HMGCS1: variants seen among roughly 807,000 people sequenced by gnomAD.
The protein encoded by HMGCS1 is 3-hydroxy-3-methylglutaryl-CoA synthase 1, also known as hydroxymethylglutaryl-CoA synthase, cytoplasmic.
Under a neutral mutation model 52.3 loss-of-function variants are expected in HMGCS1, and 9 were observed. That is an observed-to-expected ratio of 0.17 (90% CI 0.10 to 0.30). HMGCS1 has a LOEUF of 0.30. Among genes scored for constraint, HMGCS1 ranks in the 10% least tolerant of loss-of-function variants. HMGCS1 has a pLI of 1.00. For synonymous variants in HMGCS1, 176 were observed against 214.4 expected (o/e 0.82, Z 1.57); for missense variants, 320 against 620.9 (o/e 0.52, Z 5.15).
chr5:43,293,132 C>T (rs1339134443), intron 8 of HMGCS1, among the ~76,000 whole-genome samples, 159 bp from the exon 9 acceptor site: 1 of 152,170 alleles, frequency 6.6e-6, no homozygotes, highest in Non-Finnish European at 1.5e-5. Flanking sequence ...ACCTATTTGA[C>T]AAATCTCCTA....
intron 2 of HMGCS1, among the ~76,000 whole-genome samples, chr5:43,304,802 G>A (rs148834394): frequency 1.3e-3 from 191 of 152,290 alleles, no homozygotes; most frequent in Non-Finnish European, 2.3e-3. Context: ...CTCATTCTCT[G>A]AGGGTTTCTG....
At chr5:43,292,284 C>T (rs1156690485) in intron 10 of HMGCS1, among the ~76,000 whole-genome samples, 190 bp downstream of exon 10, 3 of 152,124 alleles carry the variant, frequency 2.0e-5, no homozygotes, top group African/African-American at 4.8e-5. Flanking sequence ...AGCCACCGCA[C>T]CCGGCCTTTA....
At chr5:43,303,646 C>T (rs10805672) in intron 2 of HMGCS1, among the ~76,000 whole-genome samples, 68,655 of 152,090 alleles carry the variant, frequency 0.45, 16,254 homozygotes, top group Middle Eastern at 0.61. Context: ...CCAGACATAG[C>T]ATATATACCG....
chr5:43,306,442 T>C (rs1053583285), intron 2 of HMGCS1, among the ~76,000 whole-genome samples: 4 of 152,200 alleles, frequency 2.6e-5, no homozygotes, highest in Middle Eastern at 6.3e-3. Context: ...TTCTCTGTCA[T>C]AGGCCAACAG....
chr5:43,297,312 A>T, intron 4 of HMGCS1, 146 bp from the exon 5 acceptor site: 1 of 642,214 alleles, frequency 1.6e-6, no homozygotes, highest in South Asian at 2.0e-5. Context: ...AGCTGAAGCC[A>T]ATATAAGTGA....
intron 5 of HMGCS1, 67 bp from the exon 6 acceptor site, chr5:43,295,984 G>T (rs1754012780): frequency 1.7e-6 from 2 of 1,192,784 alleles, no homozygotes; most frequent in South Asian, 1.3e-5. Flanking sequence ...TTTGACTTTA[G>T]AATAAAGCTA....
At chr5:43,292,723 C>T (rs1328109061) in intron 9 of HMGCS1, 86 bp from the exon 10 acceptor site, 7 of 1,494,460 alleles carry the variant, frequency 4.7e-6, no homozygotes, top group Non-Finnish European at 5.5e-6. Flanking sequence ...TCATATATCC[C>T]AATAATTTTC....
At chr5:43,303,228 C>T (rs1309218159) in intron 2 of HMGCS1, among the ~76,000 whole-genome samples, 1 of 152,228 alleles carries the variant, frequency 6.6e-6, no homozygotes, top group Admixed American at 6.5e-5. Flanking sequence ...TGGGTTTCCC[C>T]ACCAAATTCA....
At chr5:43,304,687 C>T (rs145465335) in intron 2 of HMGCS1, among the ~76,000 whole-genome samples, 6,862 of 152,214 alleles carry the variant, frequency 0.045, 241 homozygotes, top group Middle Eastern at 0.11. Flanking sequence ...AAACAAAAAA[C>T]GTAGGTTAAC....
chr5:43,308,029 G>A (rs1754664657), intron 1 of HMGCS1, among the ~76,000 whole-genome samples: 1 of 152,146 alleles, frequency 6.6e-6, no homozygotes, highest in South Asian at 2.1e-4. Context: ...CCCTTATAGT[G>A]AAAGGTTCAG....
chr5:43,296,920 A>G, intron 5 of HMGCS1, 82 bp downstream of exon 5: 2 of 968,786 alleles, frequency 2.1e-6, no homozygotes, highest in South Asian at 1.7e-5. Flanking sequence ...AATGCCCACA[A>G]AGTAGTTGCC....
chr5:43,295,489 T>C (rs953380013), intron 6 of HMGCS1, among the ~76,000 whole-genome samples: 2 of 152,194 alleles, frequency 1.3e-5, no homozygotes, highest in Admixed American at 6.5e-5. Flanking sequence ...TAGGCCCTTG[T>C]GCAGTTACTT....
intron 2 of HMGCS1, among the ~76,000 whole-genome samples, chr5:43,305,907 T>C (rs1754550464): frequency 6.6e-6 from 1 of 151,988 alleles, no homozygotes; most frequent in Non-Finnish European, 1.5e-5. Flanking sequence ...TTACAGATAA[T>C]GCATTTTATT....
rs552725957 is a variant in HMGCS1, at chr5:43,289,492, T to C, written c.*1639A>G. 2.0e-5 allele frequency: 3 copies of C among 152,732 alleles called. No individual in the cohort carries two copies. Among genetic ancestry groups the C allele is most frequent in the East Asian group, 1.9e-4 (1 of 5,182 alleles). The allele number at this position is 152,732 out of a possible 1,614,324, so 9.5% of individuals were successfully genotyped here. A position where few individuals can be genotyped will look rare whatever the true frequency, so the allele number is the denominator to read the frequency against. Reference sequence around the variant, plus strand: ...GTGCCAGTATTTGCAGGCCTGCCCATTGCCGGCAATGGACTTTGAGAAAAC... The same window carrying C: ...GTGCCAGTATTTGCAGGCCTGCCCACTGCCGGCAATGGACTTTGAGAAAAC... On this transcript the variant is annotated 3_prime_UTR_variant, in exon 11 of 11. Transcript: ENST00000325110.
chr5:43,291,022 T>A lies in HMGCS1; in HGVS notation c.*109A>T, dbSNP rs146535915. The A allele has an allele frequency of 3.5e-5, 24 of 682,070 alleles. No individual in the cohort carries two copies. In the African/African-American group the frequency reaches 4.1e-4, roughly 12 times the overall value. 42.3% of individuals were successfully genotyped at this position (682,070 alleles called of 1,614,324 possible). ...CATGTCAGTCACATAAAAATTTACATAACATGTAATCCTTTAAAATTATCC... is the reference window on the plus strand; with the variant it reads ...CATGTCAGTCACATAAAAATTTACAAAACATGTAATCCTTTAAAATTATCC... On this transcript the variant is annotated 3_prime_UTR_variant, in exon 11 of 11. Coordinates refer to ENST00000325110, the MANE Select transcript of HMGCS1 (RefSeq NM_001098272.3).
chr5:43,305,370 A>G (rs1754515237), intron 2 of HMGCS1, among the ~76,000 whole-genome samples: 2 of 152,196 alleles, frequency 1.3e-5, no homozygotes, highest in Non-Finnish European at 2.9e-5. Flanking sequence ...ATATAGTTAG[A>G]TATAAATTAG....
chr5:43,303,622 T>C (rs530949057), intron 2 of HMGCS1, among the ~76,000 whole-genome samples: 1 of 152,378 alleles, frequency 6.6e-6, no homozygotes, highest in African/African-American at 2.4e-5. Context: ...TAGACTACTG[T>C]ATGGCCCATT....
chr5:43,307,168 T>G (rs764091000), intron 2 of HMGCS1, among the ~76,000 whole-genome samples: 13 of 151,620 alleles, frequency 8.6e-5, no homozygotes, highest in Non-Finnish European at 1.6e-4. Flanking sequence ...ACTTCTGGGT[T>G]CAAGCGATTC....
At chr5:43,310,660 C>T (rs1198629888) in intron 1 of HMGCS1, among the ~76,000 whole-genome samples, 1 of 151,982 alleles carries the variant, frequency 6.6e-6, no homozygotes, top group East Asian at 1.9e-4. Flanking sequence ...ATTACTGCTC[C>T]TTGCAGAGCA....
Sources: allele counts gnomAD v4.1 joint callset (sites outside exome capture counted in the v4.1 genomes callset), GRCh38; gene constraint gnomAD v4.1.1; transcripts MANE v1.5; gene names NCBI Gene and HGNC (gene_info 2026-07-23, HGNC 2026-07-21).